Variants in CENPP observed in about 807,000 individuals in gnomAD.
The protein encoded by CENPP is centromere protein P.
Under a neutral mutation model 35.6 loss-of-function variants are expected in CENPP, and 24 were observed. The ratio of observed to expected loss-of-function variants is 0.67; its 90% confidence interval spans 0.49 to 0.95. CENPP has a LOEUF of 0.95. Ranked by LOEUF, CENPP falls within the 40% of genes least tolerant of loss-of-function variation. The pLI is 0.00. For synonymous variants in CENPP, 120 were observed against 125.5 expected (o/e 0.96, Z 0.29); for missense variants, 332 against 345.3 (o/e 0.96, Z 0.31).
chr9:92,404,899 A>G (rs368226241), intron 5 of CENPP, among the ~76,000 whole-genome samples: 1 of 152,274 alleles, frequency 6.6e-6, no homozygotes, highest in South Asian at 2.1e-4. Context: ...AGATCAAACA[A>G]TCTGCTTTTT....
chr9:92,377,117 G>A (rs1308429242), intron 4 of CENPP, among the ~76,000 whole-genome samples: 1 of 151,850 alleles, frequency 6.6e-6, no homozygotes, highest in Non-Finnish European at 1.5e-5. Context: ...CTATTGCAGA[G>A]CATTTACCTG....
intron 5 of CENPP, among the ~76,000 whole-genome samples, chr9:92,450,982 G>C (rs1007830762): frequency 4.6e-5 from 7 of 152,156 alleles, no homozygotes; most frequent in African/African-American, 1.7e-4. Context: ...GTTCATTGTA[G>C]ATTCTGGATA....
At chr9:92,498,931 G>A (rs1268433837) in intron 5 of CENPP, among the ~76,000 whole-genome samples, 1 of 152,130 alleles carries the variant, frequency 6.6e-6, no homozygotes, top group Non-Finnish European at 1.5e-5. Flanking sequence ...TTCAAAATAC[G>A]GAATTTCCTG....
chr9:92,552,636 G>T (rs578163962), intron 5 of CENPP, among the ~76,000 whole-genome samples: 2 of 152,168 alleles, frequency 1.3e-5, no homozygotes, highest in African/African-American at 4.8e-5. Flanking sequence ...GGCCATTTGT[G>T]TATCTTCTTT....
At chr9:92,416,072 T>TATATATATATATATATATATATA (rs368634649) in intron 5 of CENPP, among the ~76,000 whole-genome samples, 16 of 125,390 alleles carry the variant, frequency 1.3e-4, no homozygotes, top group Non-Finnish European at 2.2e-4. Flanking sequence ...ATATATATAT[T>TATATATATATATATATATATATA]TATTTATTTA....
At chr9:92,415,683 T>G (rs1843570950) in intron 5 of CENPP, among the ~76,000 whole-genome samples, 1 of 150,028 alleles carries the variant, frequency 6.7e-6, no homozygotes, top group African/African-American at 2.4e-5. Context: ...TATATATGGC[T>G]TCATTGGCTT....
At chr9:92,557,135 TGAG>T (rs1448425484) in intron 5 of CENPP, among the ~76,000 whole-genome samples, 1 of 152,224 alleles carries the variant, frequency 6.6e-6, no homozygotes, top group Non-Finnish European at 1.5e-5. Context: ...TTGTTTTGTT[TGAG>T]GAGTAGGGTC....
chr9:92,579,633 A>T, intron 5 of CENPP, among the ~76,000 whole-genome samples: 1 of 150,454 alleles, frequency 6.6e-6, no homozygotes, highest in East Asian at 1.9e-4. Flanking sequence ...AATGCTTGTG[A>T]TTTTTGTACA....
intron 5 of CENPP, among the ~76,000 whole-genome samples, chr9:92,390,563 A>AGTGT (rs61628295): frequency 0.034 from 5,048 of 150,518 alleles, 115 homozygotes; most frequent in African/African-American, 0.064. Flanking sequence ...AGAGAAATTC[A>AGTGT]GTGTGTGTGT....
intron 5 of CENPP, among the ~76,000 whole-genome samples, chr9:92,567,147 T>C (rs1849985921): frequency 6.6e-6 from 1 of 152,018 alleles, no homozygotes; most frequent in African/African-American, 2.4e-5. Context: ...AAGAAATATT[T>C]AAGGGAGTTC....
intron 5 of CENPP, among the ~76,000 whole-genome samples, chr9:92,553,175 C>A (rs1199213184): frequency 1.3e-5 from 2 of 152,102 alleles, no homozygotes; most frequent in African/African-American, 4.8e-5. Flanking sequence ...GTTGTCCTTT[C>A]CCCACTTTAT....
intron 4 of CENPP, among the ~76,000 whole-genome samples, chr9:92,367,017 C>G (rs1292061074): frequency 6.6e-6 from 1 of 152,202 alleles, no homozygotes; most frequent in Non-Finnish European, 1.5e-5. Context: ...GGAAAAAGAC[C>G]CTCCCTGCTC....
chr9:92,536,275 T>C (rs1849157338), intron 5 of CENPP, among the ~76,000 whole-genome samples: 1 of 152,186 alleles, frequency 6.6e-6, no homozygotes, highest in African/African-American at 2.4e-5. Flanking sequence ...AAAAATGAGC[T>C]TGATTAAGAA....
intron 5 of CENPP, among the ~76,000 whole-genome samples, chr9:92,432,794 A>T (rs975097571): frequency 1.3e-5 from 2 of 152,190 alleles, no homozygotes; most frequent in Non-Finnish European, 2.9e-5. Context: ...CATTTTCAGG[A>T]CTAGGAAAGG....
At chr9:92,402,364 G>A (rs1843150647) in intron 5 of CENPP, among the ~76,000 whole-genome samples, 1 of 152,152 alleles carries the variant, frequency 6.6e-6, no homozygotes, top group South Asian at 2.1e-4. Context: ...ATTATAACTG[G>A]TCAATCTTAT....
At chr9:92,399,679 A>T (rs1440353543) in intron 5 of CENPP, among the ~76,000 whole-genome samples, 2 of 152,052 alleles carry the variant, frequency 1.3e-5, no homozygotes, top group African/African-American at 4.8e-5. Context: ...TTTGGAGTTT[A>T]TTTTTTGTGT....
At chr9:92,608,615 AATGAGACCCATCCTTTCT>A (rs922617393) in intron 5 of CENPP, among the ~76,000 whole-genome samples, 1 of 152,154 alleles carries the variant, frequency 6.6e-6, no homozygotes, top group Admixed American at 6.5e-5. Context: ...CATGTGTGCC[AATGAGACCCATCCTTTCT>A]ATTTCAAGTT....
chr9:92,339,635 AG>A (rs2130792531), intron 3 of CENPP: 1 of 152,978 alleles, frequency 6.5e-6, no homozygotes, highest in South Asian at 2.1e-4. Flanking sequence ...TCAATGTGTC[AG>A]GGGCATGGGT....
intron 5 of CENPP, among the ~76,000 whole-genome samples, chr9:92,538,001 A>C (rs1248665605): frequency 6.6e-6 from 1 of 152,180 alleles, no homozygotes; most frequent in Non-Finnish European, 1.5e-5. Context: ...TGTGTTGGCC[A>C]GTGTGTAGGG....
Sources: allele counts gnomAD v4.1 joint callset (sites outside exome capture counted in the v4.1 genomes callset), GRCh38; gene constraint gnomAD v4.1.1; transcripts MANE v1.5; gene names NCBI Gene and HGNC (gene_info 2026-07-23, HGNC 2026-07-21).